Variants in CCDC178 observed in about 807,000 individuals in gnomAD.
CCDC178 encodes coiled-coil domain-containing protein 178.
CCDC178 carries 126 observed loss-of-function variants against 117.4 expected under a neutral mutation model. The observed-to-expected ratio is 1.07, with a 90% CI of 0.93 to 1.24. The LOEUF (loss-of-function observed/expected upper bound fraction) is 1.24. CCDC178 is among the 50% of genes most tolerant of loss of function. The probability of loss-of-function intolerance (pLI) is 0.00; values close to 1 mark genes in which losing one functional copy is unlikely to be tolerated. For synonymous variants in CCDC178, 283 were observed against 313.4 expected (o/e 0.90, Z 1.02); for missense variants, 1,030 against 986.9 (o/e 1.04, Z -0.59).
chr18:33,137,549 T>C (rs1040667434), intron 20 of CCDC178, among the ~76,000 whole-genome samples: 2 of 152,206 alleles, frequency 1.3e-5, no homozygotes, highest in African/African-American at 4.8e-5. Context: ...TCCCAGGTTT[T>C]ATCTAAGTAA....
intron 22 of CCDC178, among the ~76,000 whole-genome samples, chr18:32,945,351 T>C (rs1388190165): frequency 6.6e-6 from 1 of 152,228 alleles, no homozygotes; most frequent in East Asian, 1.9e-4. Flanking sequence ...CTTTAAGTTG[T>C]CAATTATTTG....
At chr18:33,059,680 A>C (rs1309121937) in intron 21 of CCDC178, among the ~76,000 whole-genome samples, 1 of 152,082 alleles carries the variant, frequency 6.6e-6, no homozygotes, top group Non-Finnish European at 1.5e-5. Context: ...CCTTTGTGTC[A>C]GTATCAGTAT....
At chr18:33,067,106 CA>C (rs1332827852) in intron 21 of CCDC178, among the ~76,000 whole-genome samples, 1 of 152,116 alleles carries the variant, frequency 6.6e-6, no homozygotes, top group Non-Finnish European at 1.5e-5. Context: ...TGTTACATCA[CA>C]AAAAATGTCA....
intron 20 of CCDC178, among the ~76,000 whole-genome samples, chr18:33,190,692 ATAT>A (rs1228676857): frequency 1.3e-5 from 2 of 152,190 alleles, no homozygotes; most frequent in Non-Finnish European, 2.9e-5. Context: ...AATGAGAAAA[ATAT>A]TATAAAATTC....
intron 20 of CCDC178, among the ~76,000 whole-genome samples, chr18:33,162,238 C>T (rs1475157577): frequency 1.4e-4 from 21 of 152,106 alleles, no homozygotes; most frequent in Admixed American, 9.8e-4. Flanking sequence ...TGTTAAATGA[C>T]GAGTTAATGG....
At chr18:33,045,709 T>C (rs931214936) in intron 21 of CCDC178, among the ~76,000 whole-genome samples, 4 of 152,206 alleles carry the variant, frequency 2.6e-5, no homozygotes, top group Non-Finnish European at 5.9e-5. Flanking sequence ...TGCATTACTT[T>C]CACTTACAAA....
At chr18:33,088,633 A>G (rs183212665) in intron 21 of CCDC178, among the ~76,000 whole-genome samples, 13 of 152,248 alleles carry the variant, frequency 8.5e-5, no homozygotes, top group Admixed American at 7.9e-4. Flanking sequence ...TGAATAATTG[A>G]ATGAATGAAT....
At chr18:33,362,516 A>G (rs1008469997) in intron 6 of CCDC178, among the ~76,000 whole-genome samples, 2 of 151,788 alleles carry the variant, frequency 1.3e-5, no homozygotes, top group Non-Finnish European at 2.9e-5. Flanking sequence ...ATAAAATTGT[A>G]TTATATTAGG....
chr18:33,432,034 G>C (rs1030744627), intron 2 of CCDC178, among the ~76,000 whole-genome samples: 3 of 152,256 alleles, frequency 2.0e-5, no homozygotes, highest in Non-Finnish European at 2.9e-5. Context: ...TGCACTGCAG[G>C]CTGCATCACA....
chr18:33,333,775 G>C (rs760665180), intron 9 of CCDC178, among the ~76,000 whole-genome samples: 1 of 151,984 alleles, frequency 6.6e-6, no homozygotes, highest in Non-Finnish European at 1.5e-5. Context: ...GCGTCCCAAA[G>C]TCCTGGGATT....
At chr18:33,397,322 A>ATAGGC (rs2063653270) in intron 3 of CCDC178, 114 bp from the exon 4 acceptor site, 2 of 600,456 alleles carry the variant, frequency 3.3e-6, no homozygotes, top group Non-Finnish European at 2.8e-6. Context: ...ATAAAGACAT[A>ATAGGC]TAGGCTAAAT....
intron 2 of CCDC178, among the ~76,000 whole-genome samples, chr18:33,436,734 C>T (rs2064296965): frequency 6.6e-6 from 1 of 152,074 alleles, no homozygotes. Flanking sequence ...TCAGTGGAGC[C>T]TGGGGGAGGA....
At chr18:33,134,853 A>G (rs900077267) in intron 20 of CCDC178, among the ~76,000 whole-genome samples, 21 of 152,246 alleles carry the variant, frequency 1.4e-4, no homozygotes, top group Admixed American at 9.2e-4. Context: ...GGTCAGATCA[A>G]TTAGGACTTC....
intron 12 of CCDC178, among the ~76,000 whole-genome samples, chr18:33,291,039 C>T (rs532677589): frequency 6.6e-6 from 1 of 152,090 alleles, no homozygotes; most frequent in East Asian, 1.9e-4. Flanking sequence ...AAATAGAAGG[C>T]AGAGCGAGAA....
chr18:33,124,824 G>A (rs561118902), intron 20 of CCDC178, among the ~76,000 whole-genome samples: 59 of 152,164 alleles, frequency 3.9e-4, no homozygotes, highest in Admixed American at 1.6e-3. Context: ...TAGCAGTAGC[G>A]TTTATAAACT....
intron 11 of CCDC178, among the ~76,000 whole-genome samples, chr18:33,312,952 AT>A (rs148617359): frequency 0.012 from 1,904 of 152,332 alleles, 29 homozygotes; most frequent in South Asian, 0.05. Context: ...CCTATTAAAA[AT>A]GGGGAAGCCT....
In CCDC178 at chr18:33,333,278, T is replaced by C; in HGVS notation, c.775A>G (p.Ile259Val). 6.2e-7 allele frequency: 1 copy of C among 1,612,984 alleles called. No homozygotes were observed. The highest frequency in any genetic ancestry group is 8.5e-7 in the Non-Finnish European group (1 of 1,179,168). Reference sequence around the variant, plus strand: ...TTCATGTAGTCTATGTCTGCTTGAATCTTTGCATTTGCTTCTTCTAACTCT... The same window carrying C: ...TTCATGTAGTCTATGTCTGCTTGAACCTTTGCATTTGCTTCTTCTAACTCT... ...KTELEEANAK[I>V]QADIDYMNEH... The change falls in exon 10 of 23, where the codon ATT becomes GTT. Residue 259 changes from isoleucine (I) to valine (V), a missense_variant. Physicochemically the swap from Ile to Val is conservative, Grantham distance 29. Coordinates refer to ENST00000383096, the MANE Select transcript of CCDC178 (RefSeq NM_001105528.4).
chr18:33,131,413 A>C lies in CCDC178; in HGVS notation c.2239-38503T>G, dbSNP rs143717605. On this transcript the variant is annotated intron_variant, in intron 20 of 22. Transcript: ENST00000383096. ...ATGAAAAAAATCATGCCCAAACAGA[A>C]CTATGAAAGTAACAAAATTCAGAAC... 9.1e-4 allele frequency among the ~76,000 whole-genome samples: 138 copies of C among 151,932 alleles called. 1 individual carries two copies. Among genetic ancestry groups the C allele is most frequent in the African/African-American group, 3.2e-3 (132 of 41,558 alleles).
rs376605694 is a variant in CCDC178, at chr18:33,358,960, G to A, written c.349-2614C>T. 8.3e-4 allele frequency among the ~76,000 whole-genome samples: 126 copies of A among 151,924 alleles called. 2 individuals carry two copies. The South Asian group carries it at 0.024, about 29-fold the overall frequency. On this transcript the variant is annotated intron_variant, in intron 6 of 22. Transcript: ENST00000383096. ...AAGAGAATAAAAATTCAGTGAGCATGTTAATAAGATTCTAAACTAATTAAT... is the reference window on the plus strand; with the variant it reads ...AAGAGAATAAAAATTCAGTGAGCATATTAATAAGATTCTAAACTAATTAAT...
Sources: gnomAD v4.1 joint callset for allele counts (sites outside exome capture counted in the v4.1 genomes callset) on GRCh38, gnomAD v4.1.1 for gene constraint, MANE v1.5 for transcripts, NCBI Gene and HGNC (gene_info 2026-07-23, HGNC 2026-07-21) for gene names.